Variants in KLF8 observed in about 807,000 individuals in gnomAD.
KLF8 encodes the protein Krueppel-like factor 8.
In KLF8, 10 loss-of-function variants were observed where a neutral mutation model predicts 18.2. The observed-to-expected ratio is 0.55, with a 90% CI of 0.34 to 0.93. The LOEUF (loss-of-function observed/expected upper bound fraction) is 0.93, where lower values mean the gene tolerates loss of function less well. Among genes scored for constraint, KLF8 ranks in the 40% least tolerant of loss-of-function variants. The probability of loss-of-function intolerance (pLI) is 0.02; values close to 1 mark genes in which losing one functional copy is unlikely to be tolerated. For missense variants in KLF8, 264 were observed against 277.9 expected (o/e 0.95, Z 0.36); for synonymous variants, 109 against 97.3 (o/e 1.12, Z -0.71).
chrX:56,043,814 A>T, the KLF8 span, among the ~76,000 whole-genome samples: 11 of 112,523 alleles, frequency 9.8e-5, no homozygotes, highest in African/African-American at 3.2e-4. Context: ...CAATTTAGCC[A>T]TCTCAGTCTC....
At chrX:56,084,236 G>A in the KLF8 span, among the ~76,000 whole-genome samples, 2 of 110,343 alleles carry the variant, frequency 1.8e-5, no homozygotes, top group African/African-American at 6.6e-5. Flanking sequence ...TTAAAAAAAT[G>A]GCCAAGCGTG....
chrX:56,064,709 C>T, the KLF8 span, among the ~76,000 whole-genome samples: 5 of 110,833 alleles, frequency 4.5e-5, no homozygotes, highest in East Asian at 1.4e-3. Flanking sequence ...TATGTTTATG[C>T]GTTTTCATAA....
chrX:56,220,028 A>G, the KLF8 span, among the ~76,000 whole-genome samples: 3 of 112,153 alleles, frequency 2.7e-5, no homozygotes, highest in African/African-American at 9.7e-5. Context: ...ATGCATGTAT[A>G]GTGCTAATTT....
the KLF8 span, among the ~76,000 whole-genome samples, chrX:56,052,649 G>A: frequency 4.5e-5 from 5 of 111,834 alleles, no homozygotes; most frequent in African/African-American, 1.6e-4. Flanking sequence ...CTGCGTGCTG[G>A]GAGAACCACT....
At chrX:56,209,670 A>ATG in the KLF8 span, among the ~76,000 whole-genome samples, 3 of 111,506 alleles carry the variant, frequency 2.7e-5, no homozygotes, top group South Asian at 1.1e-3. Context: ...CTATTTTATT[A>ATG]TGTGTTTTCT....
chrX:56,260,201 C>T (rs1272385193), intron 2 of KLF8, among the ~76,000 whole-genome samples: 1 of 111,200 alleles, frequency 9.0e-6, no homozygotes, highest in African/African-American at 3.3e-5. Flanking sequence ...GATAATCCAG[C>T]AGGATCTCTT....
At chrX:56,051,942 A>G in the KLF8 span, among the ~76,000 whole-genome samples, 9 of 109,884 alleles carry the variant, frequency 8.2e-5, no homozygotes, top group Non-Finnish European at 1.3e-4. Flanking sequence ...ACATAGTCCC[A>G]TATTTCTTGG....
chrX:56,233,622 T>C (rs2066430961), intron 1 of KLF8, among the ~76,000 whole-genome samples: 1 of 111,834 alleles, frequency 8.9e-6, no homozygotes, highest in African/African-American at 3.3e-5. Context: ...TAGTCTCCCC[T>C]GGCTCGGCAC....
chrX:55,959,483 T>C, the KLF8 span, among the ~76,000 whole-genome samples: 11 of 111,768 alleles, frequency 9.8e-5, no homozygotes, highest in African/African-American at 3.6e-4. Flanking sequence ...GAGGAGAAGG[T>C]TGAAACCCAT....
chrX:56,049,459 G>T, the KLF8 span, among the ~76,000 whole-genome samples: 1 of 110,113 alleles, frequency 9.1e-6, no homozygotes, highest in East Asian at 2.8e-4. Context: ...CTAATCTATT[G>T]AGAGTTTTTA....
chrX:56,201,715 T>A, the KLF8 span, among the ~76,000 whole-genome samples: 1 of 111,524 alleles, frequency 9.0e-6, no homozygotes, highest in Non-Finnish European at 1.9e-5. Flanking sequence ...ATCCTCAGAC[T>A]CATTTAGTTG....
At chrX:56,095,447 C>T in the KLF8 span, among the ~76,000 whole-genome samples, 22 of 111,402 alleles carry the variant, frequency 2.0e-4, no homozygotes, top group African/African-American at 6.8e-4. Flanking sequence ...AAAGCAAATA[C>T]AATAGAAAAG....
the KLF8 span, among the ~76,000 whole-genome samples, chrX:55,946,562 G>A: frequency 1.2e-4 from 13 of 111,619 alleles, no homozygotes; most frequent in East Asian, 3.6e-3. Context: ...TTACCATTCA[G>A]GACATAGGCA....
At chrX:56,056,969 T>C in the KLF8 span, among the ~76,000 whole-genome samples, 1 of 111,833 alleles carries the variant, frequency 8.9e-6, no homozygotes, top group African/African-American at 3.3e-5. Context: ...TGTTCGTTTT[T>C]GCATGTGCCA....
the KLF8 span, among the ~76,000 whole-genome samples, chrX:56,221,501 G>T: frequency 8.9e-6 from 1 of 111,822 alleles, no homozygotes; most frequent in Non-Finnish European, 1.9e-5. Flanking sequence ...GACCCTCGCG[G>T]TGAGTGTTAC....
the KLF8 span, chrX:55,961,307 A>G: frequency 9.7e-5 from 39 of 402,322 alleles, no homozygotes; most frequent in East Asian, 2.0e-3. Context: ...TGGTGGACCT[A>G]TGTGGAGATG....
the KLF8 span, among the ~76,000 whole-genome samples, chrX:56,040,800 CTTTTTTTTTTTTTTTTTTTT>C: frequency 5.0e-4 from 3 of 6,038 alleles, no homozygotes; most frequent in Non-Finnish European, 9.3e-4. Flanking sequence ...ATGATACCAG[CTTTTTTTTTTTTTTTTTTTT>C]TTTTTTTTTT....
At chrX:56,059,488 T>C in the KLF8 span, among the ~76,000 whole-genome samples, 5 of 112,368 alleles carry the variant, frequency 4.4e-5, no homozygotes, top group Non-Finnish European at 9.4e-5. Flanking sequence ...TTCTTTTAGG[T>C]CTTACATTCA....
chrX:56,044,128 G>T, the KLF8 span, among the ~76,000 whole-genome samples: 1 of 111,787 alleles, frequency 8.9e-6, no homozygotes, highest in African/African-American at 3.3e-5. Context: ...GTACCTGGAG[G>T]TATCACCAGT....
Sources: gnomAD v4.1 joint callset for allele counts (sites outside exome capture counted in the v4.1 genomes callset) on GRCh38, gnomAD v4.1.1 for gene constraint, MANE v1.5 for transcripts, NCBI Gene and HGNC (gene_info 2026-07-23, HGNC 2026-07-21) for gene names.